PCDHGA6: variants seen among roughly 807,000 people sequenced by gnomAD.
PCDHGA6 encodes the protein protocadherin gamma subfamily A, 6, also known as protocadherin gamma-A6.
PCDHGA6 carries 41 observed loss-of-function variants against 60.6 expected under a neutral mutation model. That is an observed-to-expected ratio of 0.68 (90% CI 0.53 to 0.88). The LOEUF is 0.88. Ranked by LOEUF, PCDHGA6 falls within the 40% of genes least tolerant of loss-of-function variation. The pLI, the probability that PCDHGA6 is intolerant of heterozygous loss-of-function variation, is 0.00. For missense variants in PCDHGA6, 1,312 were observed against 1,203.0 expected, an observed-to-expected ratio of 1.09 and a Z score of -1.34; for synonymous variants, 594 against 524.4, an observed-to-expected ratio of 1.13 and a Z score of -1.81.
intron 1 of PCDHGA6, among the ~76,000 whole-genome samples, chr5:141,402,439 G>C (rs1278186410): frequency 6.6e-6 from 1 of 151,914 alleles, no homozygotes; most frequent in East Asian, 1.9e-4. Context: ...TCATAAAAAG[G>C]AAATTATAAT....
intron 2 of PCDHGA6, among the ~76,000 whole-genome samples, chr5:141,498,068 A>G (rs765582921): frequency 6.6e-6 from 1 of 152,244 alleles, no homozygotes; most frequent in Non-Finnish European, 1.5e-5. Context: ...TGAAACTGTC[A>G]TAAGTGCTAG....
intron 1 of PCDHGA6, among the ~76,000 whole-genome samples, chr5:141,407,257 T>C (rs1325198387): frequency 1.3e-5 from 2 of 152,240 alleles, no homozygotes; most frequent in Non-Finnish European, 2.9e-5. Context: ...CTCATATTTT[T>C]AACCATGCAA....
intron 1 of PCDHGA6, chr5:141,400,377 A>G: frequency 1.2e-6 from 2 of 1,613,892 alleles, no homozygotes; most frequent in Non-Finnish European, 1.7e-6. Flanking sequence ...CCTACAACCT[A>G]TGTGTTGCAC....
chr5:141,477,808 C>T lies in PCDHGA6; in HGVS notation c.2425-16999C>T, dbSNP rs750186099. 2.5e-6 allele frequency: 4 copies of T among 1,613,994 alleles called. No individual in the cohort carries two copies. In the African/African-American group the frequency reaches 4.0e-5, roughly 16 times the overall value. On this transcript the variant is annotated intron_variant, in intron 1 of 3. Coordinates refer to ENST00000517434, the MANE Select transcript of PCDHGA6 (RefSeq NM_018919.3). The surrounding 1 kb of genome is among the most constrained non-coding windows in gnomAD (Gnocchi z 4.9). ...TTGTCACTGATCGCAATGACAATGC[C>T]CCCCAGGTCCTATATCCTCGGCCAG...
intron 1 of PCDHGA6, chr5:141,411,430 A>C (rs918915726): frequency 6.6e-6 from 1 of 151,188 alleles, no homozygotes; most frequent in Admixed American, 6.6e-5. Context: ...CAACAAAAAA[A>C]AACATTAGCA....
chr5:141,488,564 G>A (rs1047904416), intron 1 of PCDHGA6, among the ~76,000 whole-genome samples: 4 of 152,154 alleles, frequency 2.6e-5, no homozygotes, highest in Non-Finnish European at 5.9e-5. Context: ...TGAGATTTCC[G>A]CAAAGCATTG....
At chr5:141,438,635 TACAC>T (rs56854727) in intron 1 of PCDHGA6, among the ~76,000 whole-genome samples, 720 of 33,094 alleles carry the variant, frequency 0.022, 7 homozygotes, top group Middle Eastern at 0.05. Context: ...TATATATATA[TACAC>T]ACACACACAC....
Position 141,485,086 on chromosome 5 carries a change from A to T in PCDHGA6, c.2425-9721A>T. 1.0e-6 allele frequency: 1 copy of T among 999,576 alleles called. No individual in the cohort carries two copies. Among genetic ancestry groups the T allele is most frequent in the Non-Finnish European group, 1.5e-6 (1 of 651,740 alleles). 61.9% of individuals were successfully genotyped at this position (999,576 alleles called of 1,614,324 possible). A position where few individuals can be genotyped will look rare whatever the true frequency, so the allele number is the denominator to read the frequency against. On this transcript the variant is annotated intron_variant, in intron 1 of 3. Transcript: ENST00000517434. The surrounding 1 kb of genome is among the most constrained non-coding windows in gnomAD (Gnocchi z 5.7). The stretch of plus-strand genomic sequence containing the variant: ...CCAGAGCTGGCGCGGGGAAAGGGAG[A>T]TAGGTGTCTCCAGCTGCTGTGGCTG...
intron 1 of PCDHGA6, chr5:141,415,029 G>T (rs777967290): frequency 8.1e-6 from 13 of 1,613,554 alleles, no homozygotes; most frequent in Non-Finnish European, 1.0e-5. Context: ...CCAGCGAGCC[G>T]GGACTCTTCG....
chr5:141,389,223 G>C lies in PCDHGA6; in HGVS notation c.2424+12716G>C, dbSNP rs570029585. 4 of 1,613,876 alleles carry C rather than the reference G, an allele frequency of 2.5e-6. No individual in the cohort carries two copies. Among genetic ancestry groups the C allele is most frequent in the South Asian group, 2.2e-5 (2 of 91,090 alleles). Reference sequence around the variant, plus strand: ...GCACATTGGTGATGTAAATGACAACGCTCCGGTTTTCTCACAGTCTTCCTA... The same window carrying C: ...GCACATTGGTGATGTAAATGACAACCCTCCGGTTTTCTCACAGTCTTCCTA... On this transcript the variant is annotated intron_variant, in intron 1 of 3. Coordinates refer to ENST00000517434, the MANE Select transcript of PCDHGA6 (RefSeq NM_018919.3).
At chr5:141,426,445 A>T (rs2096937062) in intron 1 of PCDHGA6, 1 of 310,256 alleles carries the variant, frequency 3.2e-6, no homozygotes, top group East Asian at 8.0e-5. Context: ...TGCGGAGGAC[A>T]TGCGGCTGCA....
chr5:141,384,366 T>A (rs573164893), intron 1 of PCDHGA6: 1 of 1,613,896 alleles, frequency 6.2e-7, no homozygotes, highest in Non-Finnish European at 8.5e-7. Context: ...AGATCACTTA[T>A]TCCTTGGCCG....
rs2099615817 is a variant in PCDHGA6 at position 141,485,564 on chromosome 5, C to G, written c.2425-9243C>G. On this transcript the variant is annotated intron_variant, in intron 1 of 3. Coordinates refer to ENST00000517434, the MANE Select transcript of PCDHGA6 (RefSeq NM_018919.3). This position sits in a 1 kb window ranked among gnomAD's most constrained non-coding sequence, Gnocchi z 5.7. ...GATCGTAGATGTGAATGATCACGCCCCCCGTTTTCCGCGGCAGCAGCTGGA... is the reference window on the plus strand; with the variant it reads ...GATCGTAGATGTGAATGATCACGCCGCCCGTTTTCCGCGGCAGCAGCTGGA... 6.2e-7 allele frequency: 1 copy of G among 1,612,958 alleles called. No individual in the cohort carries two copies. The highest frequency in any genetic ancestry group is 8.5e-7 in the Non-Finnish European group (1 of 1,179,052).
chr5:141,431,376 CT>C lies in PCDHGA6; in HGVS notation c.2424+54870del. The C allele has an allele frequency of 1.2e-6, 2 of 1,613,436 alleles. No individual in the cohort carries two copies. The highest frequency in any genetic ancestry group is 1.7e-6 in the Non-Finnish European group (2 of 1,179,562). On this transcript the variant is annotated intron_variant, in intron 1 of 3. Transcript: ENST00000517434. This position sits in a 1 kb window ranked among gnomAD's most constrained non-coding sequence, Gnocchi z 4.8. ...CGCGCCCTGGACCGCGAAGAAAAGG[CT>C]GCTCACCACCTGGTCCTTACGGCCT...
At chr5:141,399,576 C>A (rs2093838433) in intron 1 of PCDHGA6, 4 of 1,614,028 alleles carry the variant, frequency 2.5e-6, no homozygotes, top group Non-Finnish European at 3.4e-6. Context: ...ACGGCCAAGT[C>A]TCCTACTCTA....
intron 1 of PCDHGA6, chr5:141,414,951 G>A (rs1411406878): frequency 5.6e-6 from 9 of 1,614,092 alleles, no homozygotes; most frequent in Non-Finnish European, 7.6e-6. Flanking sequence ...GCTACCTGGT[G>A]ACCAAGGTGG....
chr5:141,412,931 T>C (rs1010992022), intron 1 of PCDHGA6: 5 of 453,108 alleles, frequency 1.1e-5, no homozygotes, highest in African/African-American at 2.0e-5. Flanking sequence ...CAGTAACTTC[T>C]TAGGACTCTG....
At position 141,485,939 on chromosome 5, in the gene PCDHGA6, C is replaced by A; in HGVS notation, c.2425-8868C>A. ...CAGGATTAGTGTGTTGGAGAGCGCA[C>A]CAGCGGGCATGGTGCTCATCCAGCT... On this transcript the variant is annotated intron_variant, in intron 1 of 3. Transcript: ENST00000517434. This position sits in a 1 kb window ranked among gnomAD's most constrained non-coding sequence, Gnocchi z 5.7. 1 of 1,614,140 alleles carries A rather than the reference C, an allele frequency of 6.2e-7. No homozygotes were observed. The highest frequency in any genetic ancestry group is 8.5e-7 in the Non-Finnish European group (1 of 1,180,030).
intron 1 of PCDHGA6, chr5:141,398,897 C>T (rs761364649): frequency 1.2e-6 from 2 of 1,613,932 alleles, no homozygotes; most frequent in Non-Finnish European, 1.7e-6. Context: ...AACGTGCCAC[C>T]AGGCACCACT....
Sources: gnomAD v4.1 joint callset for allele counts (sites outside exome capture counted in the v4.1 genomes callset) on GRCh38, gnomAD v4.1.1 for gene constraint, Gnocchi (gnomAD v3.1) non-coding constraint, MANE v1.5 for transcripts, NCBI Gene and HGNC (gene_info 2026-07-23, HGNC 2026-07-21) for gene names.